The following ADAMTSL1 variants were observed in gnomAD, a reference collection of about 807,000 sequenced individuals.
ADAMTSL1 encodes the protein ADAMTS like 1, also known as ADAMTS-like protein 1.
ADAMTSL1 carries 126 observed loss-of-function variants against 201.8 expected under a neutral mutation model. That is an observed-to-expected ratio of 0.62 (90% confidence interval 0.54 to 0.72). The LOEUF is 0.72. ADAMTSL1 is among the 30% of genes least tolerant of loss of function. The pLI, the probability that ADAMTSL1 is intolerant of heterozygous loss-of-function variation, is 0.00. For missense variants in ADAMTSL1, 2,679 were observed against 2,277.8 expected (o/e 1.18, Z -3.59); for synonymous variants, 1,121 against 903.4 (o/e 1.24, Z -4.32).
chr9:18,766,701 C>T (rs1820385830), intron 16 of ADAMTSL1, among the ~76,000 whole-genome samples: 1 of 152,092 alleles, frequency 6.6e-6, no homozygotes, highest in Admixed American at 6.5e-5. Flanking sequence ...GCTGTGTCCT[C>T]CACATGATGG....
intron 2 of ADAMTSL1, among the ~76,000 whole-genome samples, chr9:18,222,267 A>T (rs1307655504): frequency 6.6e-6 from 1 of 151,726 alleles, no homozygotes; most frequent in Admixed American, 6.6e-5. Flanking sequence ...AAACTGGTCA[A>T]TTTGTATAAT....
intron 1 of ADAMTSL1, among the ~76,000 whole-genome samples, chr9:17,935,543 A>T (rs1826969898): frequency 6.6e-6 from 1 of 151,646 alleles, no homozygotes; most frequent in Non-Finnish European, 1.5e-5. Context: ...TCCTGCTCCC[A>T]CTCCCCCAAA....
intron 7 of ADAMTSL1, among the ~76,000 whole-genome samples, chr9:18,641,706 G>A (rs776753): frequency 0.63 from 95,000 of 151,824 alleles, 30,037 homozygotes; most frequent in East Asian, 0.79. Flanking sequence ...AAAAAAAGAA[G>A]AAAATTATCT....
At chr9:18,089,580 G>A (rs569986475) in intron 1 of ADAMTSL1, among the ~76,000 whole-genome samples, 1 of 152,176 alleles carries the variant, frequency 6.6e-6, no homozygotes, top group Admixed American at 6.5e-5. Context: ...AAACCTGAAT[G>A]TTCTGTGCAT....
At chr9:18,206,053 CAAAAAAAAAAAAAAAAA>C (rs71333031) in intron 2 of ADAMTSL1, among the ~76,000 whole-genome samples, 1 of 54,338 alleles carries the variant, frequency 1.8e-5, no homozygotes. Context: ...GACTCCATCT[CAAAAAAAAAAAAAAAAA>C]AAAAAAAAAA....
At chr9:18,826,225 C>G in intron 21 of ADAMTSL1, 59 bp from the exon 22 acceptor site, 1 of 1,548,754 alleles carries the variant, frequency 6.5e-7, no homozygotes, top group African/African-American at 1.4e-5. Context: ...TGCCTCTGGG[C>G]TCACCTGAAT....
intron 1 of ADAMTSL1, among the ~76,000 whole-genome samples, chr9:18,104,707 A>G (rs574606024): frequency 4.6e-5 from 7 of 152,314 alleles, no homozygotes; most frequent in East Asian, 1.9e-4. Context: ...ATATCCTTGT[A>G]ACAAAACTGC....
chr9:18,363,992 T>C (rs1836646634), intron 2 of ADAMTSL1, among the ~76,000 whole-genome samples: 1 of 151,772 alleles, frequency 6.6e-6, no homozygotes, highest in East Asian at 1.9e-4. Flanking sequence ...GTGAAGATAC[T>C]GAAAAAAAAA....
At chr9:17,952,324 T>A (rs1827758681) in intron 1 of ADAMTSL1, among the ~76,000 whole-genome samples, 1 of 152,102 alleles carries the variant, frequency 6.6e-6, no homozygotes, top group Non-Finnish European at 1.5e-5. Context: ...ATAATATTCT[T>A]ATGAAGTATT....
At chr9:18,805,714 T>C (rs1823070246) in intron 20 of ADAMTSL1, among the ~76,000 whole-genome samples, 1 of 152,182 alleles carries the variant, frequency 6.6e-6, no homozygotes, top group Non-Finnish European at 1.5e-5. Flanking sequence ...CACTAGCTCA[T>C]CGTGTGTTTT....
intron 1 of ADAMTSL1, among the ~76,000 whole-genome samples, chr9:18,031,837 C>T (rs1820969907): frequency 6.6e-6 from 1 of 152,154 alleles, no homozygotes; most frequent in African/African-American, 2.4e-5. Flanking sequence ...CTGAGCTTGG[C>T]AGGGTCAGAG....
At position 18,501,039 on chromosome 9, in the gene ADAMTSL1, G is replaced by T. The variant is rs1341620915; in HGVS notation, c.64-3790G>T. Among the ~76,000 whole-genome samples the T allele has an allele frequency of 2.0e-5, 3 of 152,090 alleles. No individual in the cohort carries two copies. In the East Asian group the frequency reaches 5.8e-4, roughly 29 times the overall value. On this transcript the variant is annotated intron_variant, in intron 1 of 28. Coordinates refer to ENST00000380548, the MANE Select transcript of ADAMTSL1 (RefSeq NM_001040272.6). ...CGAAAATCATTGAAAAACATTGGCTGGCCTGTATAGAAGAGCTTAGATTTT... is the reference window on the plus strand; with the variant it reads ...CGAAAATCATTGAAAAACATTGGCTTGCCTGTATAGAAGAGCTTAGATTTT...
intron 1 of ADAMTSL1, among the ~76,000 whole-genome samples, chr9:18,122,511 C>T (rs1265830451): frequency 6.6e-6 from 1 of 152,074 alleles, no homozygotes; most frequent in African/African-American, 2.4e-5. Context: ...AATTTTTTAG[C>T]TGTTTATCAT....
intron 1 of ADAMTSL1, among the ~76,000 whole-genome samples, chr9:18,149,655 G>A (rs970120783): frequency 6.6e-6 from 1 of 152,062 alleles, no homozygotes; most frequent in Non-Finnish European, 1.5e-5. Context: ...AACACTGCAT[G>A]TAGAAGTGAA....
chr9:17,972,309 C>A (rs190498024), intron 1 of ADAMTSL1, among the ~76,000 whole-genome samples: 1 of 80,690 alleles, frequency 1.2e-5, no homozygotes, highest in Non-Finnish European at 2.6e-5. Flanking sequence ...GCTATCCCTC[C>A]CCCCTCCCCC....
intron 4 of ADAMTSL1, 59 bp downstream of exon 4, chr9:18,574,325 A>T: frequency 7.2e-7 from 1 of 1,397,612 alleles, no homozygotes; most frequent in East Asian, 2.3e-5. Flanking sequence ...CTTTGTGTAA[A>T]TGGTTTACAT....
intron 1 of ADAMTSL1, among the ~76,000 whole-genome samples, chr9:18,063,361 A>G (rs889324222): frequency 2.6e-5 from 4 of 152,204 alleles, no homozygotes; most frequent in Non-Finnish European, 4.4e-5. Context: ...AACAAATTGT[A>G]AAAGGTTCAT....
chr9:18,108,329 A>T (rs539488875), intron 1 of ADAMTSL1, among the ~76,000 whole-genome samples: 171 of 151,456 alleles, frequency 1.1e-3, no homozygotes, highest in African/African-American at 3.8e-3. Flanking sequence ...CCTCCCATGT[A>T]GCTGGGAGTA....
intron 1 of ADAMTSL1, among the ~76,000 whole-genome samples, chr9:18,051,256 G>A (rs1821925067): frequency 6.6e-6 from 1 of 152,094 alleles, no homozygotes; most frequent in Non-Finnish European, 1.5e-5. Context: ...AGCTGAGATG[G>A]TGCCACTGCA....
Sources: gnomAD v4.1 joint callset for allele counts (sites outside exome capture counted in the v4.1 genomes callset) on GRCh38, gnomAD v4.1.1 for gene constraint, MANE v1.5 for transcripts, NCBI Gene and HGNC (gene_info 2026-07-23, HGNC 2026-07-21) for gene names.